The following SCAPER variants were observed in gnomAD, a reference collection of about 807,000 sequenced individuals.
SCAPER encodes S-phase cyclin A associated protein in the ER.
Under a neutral mutation model 182.2 loss-of-function variants are expected in SCAPER, and 98 were observed. The ratio of observed to expected loss-of-function variants is 0.54; its 90% CI spans 0.46 to 0.64. The LOEUF is 0.64. Ranked by LOEUF, SCAPER falls within the 30% of genes least tolerant of loss-of-function variation. The pLI is 0.00. For missense variants in SCAPER, 1,432 were observed against 1,690.0 expected (o/e 0.85, Z 2.68); for synonymous variants, 605 against 564.6 (o/e 1.07, Z -1.01).
chr15:76,890,317 C>T (rs2074092117), intron 1 of SCAPER, among the ~76,000 whole-genome samples: 3 of 152,048 alleles, frequency 2.0e-5, no homozygotes, highest in Admixed American at 2.0e-4. Context: ...TAACTAAGAT[C>T]AGAGCAGAAC....
At chr15:76,767,205 T>C (rs2063170326) in intron 10 of SCAPER, 117 bp from the exon 11 acceptor site, 1 of 1,015,546 alleles carries the variant, frequency 9.8e-7, no homozygotes, top group African/African-American at 1.7e-5. Flanking sequence ...TGATCTAGAA[T>C]CATAAAAGCT....
intron 21 of SCAPER, among the ~76,000 whole-genome samples, chr15:76,642,064 CA>C (rs1242362908): frequency 6.6e-6 from 1 of 152,070 alleles, no homozygotes; most frequent in Non-Finnish European, 1.5e-5. Context: ...GATAAGGAAT[CA>C]ATTAGAAAAT....
intron 1 of SCAPER, among the ~76,000 whole-genome samples, chr15:76,890,695 A>C (rs890621571): frequency 6.6e-6 from 1 of 152,172 alleles, no homozygotes; most frequent in Non-Finnish European, 1.5e-5. Flanking sequence ...CAACCAAAAA[A>C]AGTCCAGGAC....
At chr15:76,753,689 A>G (rs985524389) in intron 15 of SCAPER, 119 bp downstream of exon 15, 4 of 1,162,324 alleles carry the variant, frequency 3.4e-6, no homozygotes, top group Admixed American at 2.5e-5. Context: ...AGTGTGTAAA[A>G]TGCTGTTATT....
chr15:76,358,295 C>T (rs892398413), intron 29 of SCAPER, among the ~76,000 whole-genome samples: 7 of 152,222 alleles, frequency 4.6e-5, no homozygotes, highest in Non-Finnish European at 8.8e-5. Flanking sequence ...CATAGCTCCC[C>T]TTTTGGTCTT....
At chr15:76,530,651 T>C (rs562023479) in intron 23 of SCAPER, among the ~76,000 whole-genome samples, 29 of 152,302 alleles carry the variant, frequency 1.9e-4, no homozygotes, top group Admixed American at 9.2e-4. Context: ...GCACAGTTTC[T>C]GAGTTTGCAC....
At chr15:76,831,882 T>C (rs1209766682) in intron 5 of SCAPER, among the ~76,000 whole-genome samples, 6 of 152,092 alleles carry the variant, frequency 3.9e-5, no homozygotes, top group Admixed American at 6.6e-5. Context: ...GTGCTGAGGC[T>C]TGGTGGCCTG....
intron 23 of SCAPER, 120 bp downstream of exon 23, chr15:76,574,038 C>T (rs2047643513): frequency 7.6e-6 from 7 of 922,262 alleles, no homozygotes; most frequent in South Asian, 4.6e-5. Flanking sequence ...CTATTATTGA[C>T]TAGCTTTAAA....
chr15:76,886,500 T>C (rs904335285), intron 1 of SCAPER, among the ~76,000 whole-genome samples: 6 of 151,928 alleles, frequency 3.9e-5, no homozygotes, highest in African/African-American at 1.5e-4. Flanking sequence ...AAATAAAAAT[T>C]TAAAAAAACA....
chr15:76,756,592 A>C (rs146437178), intron 14 of SCAPER, among the ~76,000 whole-genome samples: 72 of 152,258 alleles, frequency 4.7e-4, no homozygotes, highest in African/African-American at 1.6e-3. Context: ...AAAAAACAAT[A>C]GAAGAATCAT....
At chr15:76,628,996 T>C (rs1480426171) in intron 21 of SCAPER, among the ~76,000 whole-genome samples, 1 of 152,240 alleles carries the variant, frequency 6.6e-6, no homozygotes, top group African/African-American at 2.4e-5. Context: ...ACTTCCCTTG[T>C]TAGCTGTATT....
chr15:76,581,945 G>A (rs2145516394), intron 22 of SCAPER, among the ~76,000 whole-genome samples: 2 of 152,220 alleles, frequency 1.3e-5, no homozygotes, highest in Middle Eastern at 3.4e-3. Flanking sequence ...AAAAAACTGT[G>A]TATAGAAGGA....
rs141924677 is a variant in SCAPER, at chr15:76,376,131, G to A, written c.3855+31C>T. 3.3e-3 allele frequency: 5,332 copies of A among 1,610,452 alleles called. 22 individuals carry two copies. The highest frequency in any genetic ancestry group is 4.1e-3 in the Non-Finnish European group (4,791 of 1,177,944). The stretch of plus-strand genomic sequence containing the variant: ...ACCTCACACTCTCAGCACTGGGGGA[G>A]CAGTCTAAGGAACTTTCCAGGGCCT... On this transcript the variant is annotated intron_variant, in intron 29 of 31. Coordinates refer to ENST00000563290, the MANE Select transcript of SCAPER (RefSeq NM_020843.4).
chr15:76,716,657 A>G (rs1395515866), intron 17 of SCAPER, among the ~76,000 whole-genome samples: 3 of 151,990 alleles, frequency 2.0e-5, no homozygotes, highest in African/African-American at 7.2e-5. Flanking sequence ...GAAGAATTCA[A>G]TGAAATAAAA....
intron 23 of SCAPER, among the ~76,000 whole-genome samples, chr15:76,554,481 G>A (rs1597363891): frequency 1.3e-5 from 2 of 152,220 alleles, no homozygotes; most frequent in South Asian, 4.1e-4. Flanking sequence ...GAAATGCTGA[G>A]AACCACTGTG....
chr15:76,739,859 A>G lies in SCAPER; in HGVS notation c.1867-6475T>C, dbSNP rs994276868. On this transcript the variant is annotated intron_variant, in intron 15 of 31. Coordinates refer to ENST00000563290, the MANE Select transcript of SCAPER (RefSeq NM_020843.4). ...AGAAAATGCATGGTACAGAACAGAT[A>G]GTGTAAAAACCAACCCCAAATAATG... 8.5e-5 allele frequency among the ~76,000 whole-genome samples: 13 copies of G among 152,328 alleles called. No homozygotes were observed. In the East Asian group the frequency reaches 2.3e-3, roughly 27 times the overall value.
At chr15:76,899,779 G>A (rs1268227933) in intron 1 of SCAPER, among the ~76,000 whole-genome samples, 5 of 150,378 alleles carry the variant, frequency 3.3e-5, no homozygotes, top group South Asian at 2.1e-4. Context: ...CGGCCGCCCC[G>A]TCTGGGAAGT....
chr15:76,810,064 G>A (rs372082799), intron 5 of SCAPER, among the ~76,000 whole-genome samples: 94 of 152,154 alleles, frequency 6.2e-4, no homozygotes, highest in Middle Eastern at 3.4e-3. Flanking sequence ...AAAAGCTGAC[G>A]GAGTTAATCA....
intron 21 of SCAPER, among the ~76,000 whole-genome samples, chr15:76,628,431 C>A (rs990937763): frequency 1.3e-5 from 2 of 152,186 alleles, no homozygotes; most frequent in African/African-American, 4.8e-5. Context: ...AGTCTTTAAT[C>A]CATCTTGATT....
Sources: allele counts gnomAD v4.1 joint callset (sites outside exome capture counted in the v4.1 genomes callset), GRCh38; gene constraint gnomAD v4.1.1; transcripts MANE v1.5; gene names NCBI Gene and HGNC (gene_info 2026-07-23, HGNC 2026-07-21).